The following KCNH8 variants were observed in gnomAD, a reference collection of about 807,000 sequenced individuals.
KCNH8 encodes voltage-gated delayed rectifier potassium channel KCNH8.
Under a neutral mutation model 103.6 loss-of-function variants are expected in KCNH8, and 70 were observed. The observed-to-expected ratio is 0.68, with a 90% CI of 0.56 to 0.82. The LOEUF (loss-of-function observed/expected upper bound fraction) is 0.82. Ranked by LOEUF, KCNH8 falls within the 40% of genes least tolerant of loss-of-function variation. KCNH8 has a pLI of 0.00. For synonymous variants in KCNH8, 498 were observed against 489.4 expected, an observed-to-expected ratio of 1.02 and a Z score of -0.23; for missense variants, 1,217 against 1,329.9, an observed-to-expected ratio of 0.92 and a Z score of 1.32.
intron 1 of KCNH8, among the ~76,000 whole-genome samples, chr3:19,235,729 T>A (rs2064056624): frequency 6.6e-6 from 1 of 152,226 alleles, no homozygotes; most frequent in South Asian, 2.1e-4. Context: ...ATCTTTTTAA[T>A]GCCATCAGAG....
chr3:19,507,094 A>G (rs1383403818), intron 11 of KCNH8, among the ~76,000 whole-genome samples: 1 of 152,082 alleles, frequency 6.6e-6, no homozygotes, highest in Non-Finnish European at 1.5e-5. Context: ...GGATGAGACA[A>G]ACGCACTGCT....
chr3:19,213,741 G>C (rs1362335480), intron 1 of KCNH8, among the ~76,000 whole-genome samples: 1 of 152,178 alleles, frequency 6.6e-6, no homozygotes, highest in African/African-American at 2.4e-5. Flanking sequence ...TTTAAAGAGA[G>C]CATAATGTTA....
intron 7 of KCNH8, among the ~76,000 whole-genome samples, chr3:19,429,162 CTTTTTTTTTTTTT>C (rs575154927): frequency 1.1e-5 from 1 of 89,858 alleles, no homozygotes; most frequent in South Asian, 3.9e-4. Context: ...AGAATCCACT[CTTTTTTTTTTTTT>C]TTTTTTTTTT....
At chr3:19,307,703 A>G (rs1369882851) in intron 3 of KCNH8, among the ~76,000 whole-genome samples, 1 of 152,004 alleles carries the variant, frequency 6.6e-6, no homozygotes, top group Non-Finnish European at 1.5e-5. Context: ...TACATAATGG[A>G]ATACTATTCA....
At chr3:19,290,030 T>A (rs1042759915) in intron 3 of KCNH8, among the ~76,000 whole-genome samples, 4 of 152,334 alleles carry the variant, frequency 2.6e-5, no homozygotes, top group South Asian at 2.1e-4. Context: ...AGTTCACTCA[T>A]GATTTGGCTC....
chr3:19,211,716 C>T (rs4327408), intron 1 of KCNH8, among the ~76,000 whole-genome samples: 3,009 of 152,158 alleles, frequency 0.02, 94 homozygotes, highest in African/African-American at 0.067. Context: ...TGTCAGACAA[C>T]GGTAACTATA....
intron 1 of KCNH8, among the ~76,000 whole-genome samples, chr3:19,209,916 G>T (rs1176092506): frequency 6.6e-6 from 1 of 151,988 alleles, no homozygotes; most frequent in Non-Finnish European, 1.5e-5. Flanking sequence ...AGTGGGCTTT[G>T]GGAAGAGATT....
chr3:19,234,354 C>T (rs2064034166), intron 1 of KCNH8, among the ~76,000 whole-genome samples: 3 of 152,202 alleles, frequency 2.0e-5, no homozygotes, highest in Admixed American at 2.0e-4. Context: ...CGTGGGGAGG[C>T]TCCGGCCGCA....
chr3:19,318,135 A>T (rs191374790), intron 3 of KCNH8, among the ~76,000 whole-genome samples: 150 of 152,100 alleles, frequency 9.9e-4, no homozygotes, highest in Non-Finnish European at 1.4e-3. Flanking sequence ...AAATCTGAGG[A>T]TACAAAACAA....
intron 3 of KCNH8, among the ~76,000 whole-genome samples, chr3:19,295,089 T>C (rs891591152): frequency 2.6e-5 from 4 of 152,088 alleles, no homozygotes; most frequent in Non-Finnish European, 5.9e-5. Flanking sequence ...ACCAGGCAAA[T>C]ATGGTATTAA....
intron 6 of KCNH8, among the ~76,000 whole-genome samples, chr3:19,393,844 A>G (rs755068581): frequency 6.6e-5 from 10 of 152,096 alleles, no homozygotes; most frequent in Non-Finnish European, 1.3e-4. Context: ...CAAGATTACA[A>G]CTGAATATAA....
At chr3:19,149,860 T>C (rs1011073481) in intron 1 of KCNH8, among the ~76,000 whole-genome samples, 1 of 152,252 alleles carries the variant, frequency 6.6e-6, no homozygotes, top group African/African-American at 2.4e-5. Flanking sequence ...TGTATATTTC[T>C]TGGAGCTGAT....
At chr3:19,177,329 T>G (rs1297626737) in intron 1 of KCNH8, among the ~76,000 whole-genome samples, 1 of 152,048 alleles carries the variant, frequency 6.6e-6, no homozygotes. Context: ...TGAGTACTGA[T>G]TTTGTGGTTA....
chr3:19,506,865 C>T (rs1265985142), intron 11 of KCNH8, among the ~76,000 whole-genome samples: 1 of 151,992 alleles, frequency 6.6e-6, no homozygotes, highest in African/African-American at 2.4e-5. Flanking sequence ...AGGGAGGGTA[C>T]ATAGGTCACA....
At position 19,513,184 on chromosome 3, in the gene KCNH8, C is replaced by T. The variant is rs758227791; in HGVS notation, c.2294C>T (p.Ser765Leu). The T allele has an allele frequency of 9.3e-6, 15 of 1,613,810 alleles. No individual in the cohort carries two copies. The highest frequency in any genetic ancestry group is 2.2e-5 in the South Asian group (2 of 91,080). Residue 765 changes from serine to leucine, a missense_variant, in exon 13 of 16, where the codon TCG becomes TTG. Ser to Leu is a moderately radical substitution (Grantham distance 145). Transcript: ENST00000328405. ...QLASGTVPFH[S>L]PIRVSRSNSP... ...GCCTCGGGAACGGTGCCCTTTCACT[C>T]GCCTATCAGAGTCTCCAGGTCAAAT... is the stretch of plus-strand genomic sequence containing the variant.
intron 11 of KCNH8, among the ~76,000 whole-genome samples, chr3:19,482,871 G>A (rs1363169334): frequency 6.6e-6 from 1 of 152,166 alleles, no homozygotes. Context: ...TTTCTTGCCA[G>A]AGCAGAATAG....
intron 3 of KCNH8, among the ~76,000 whole-genome samples, chr3:19,302,197 C>A (rs2125290209): frequency 6.6e-6 from 1 of 152,234 alleles, no homozygotes; most frequent in East Asian, 1.9e-4. Flanking sequence ...AAGCCAGATT[C>A]CATTTTTCAG....
rs111815579 is a variant in KCNH8 at position 19,191,240 on chromosome 3, T to C, written c.76+42445T>C. On this transcript the variant is annotated intron_variant, in intron 1 of 15. Transcript: ENST00000328405. The stretch of plus-strand genomic sequence containing the variant: ...AATATATTTACAGTTAATATTTTAA[T>C]ACATTCTTTAACGTTCCTGCTAAAT... Among the ~76,000 whole-genome samples, 385 of 152,002 alleles carry C rather than the reference T, an allele frequency of 2.5e-3. 4 individuals carry two copies. The highest frequency in any genetic ancestry group is 8.4e-3 in the African/African-American group (350 of 41,552).
At chr3:19,407,248 C>T (rs912690014) in intron 7 of KCNH8, among the ~76,000 whole-genome samples, 3 of 152,044 alleles carry the variant, frequency 2.0e-5, no homozygotes, top group Admixed American at 2.0e-4. Flanking sequence ...GAAATATAAT[C>T]TAAGTGTAGT....
Sources: gnomAD v4.1 joint callset for allele counts (sites outside exome capture counted in the v4.1 genomes callset) on GRCh38, gnomAD v4.1.1 for gene constraint, MANE v1.5 for transcripts, NCBI Gene and HGNC (gene_info 2026-07-23, HGNC 2026-07-21) for gene names.